The following CPED1 variants were observed in gnomAD, a reference collection of about 807,000 sequenced individuals.
CPED1 encodes cadherin like and PC-esterase domain containing 1.
In CPED1, 114 loss-of-function variants were observed where a neutral mutation model predicts 128.2. The ratio of observed to expected loss-of-function variants is 0.89; its 90% confidence interval spans 0.76 to 1.04. The LOEUF is 1.04. Ranked by LOEUF, CPED1 falls within the 50% of genes least tolerant of loss-of-function variation. CPED1 has a pLI of 0.00. For synonymous variants in CPED1, 462 were observed against 426.7 expected, an observed-to-expected ratio of 1.08 and a Z score of -1.02; for missense variants, 1,211 against 1,207.1, an observed-to-expected ratio of 1.00 and a Z score of -0.05.
At chr7:121,253,743 A>G (rs2402563) in intron 18 of CPED1, among the ~76,000 whole-genome samples, 63,077 of 151,810 alleles carry the variant, frequency 0.42, 13,553 homozygotes, top group Middle Eastern at 0.52. Context: ...GTTATACCAT[A>G]CAAACAAAAA....
At chr7:121,062,121 A>G (rs1354904095) in intron 4 of CPED1, among the ~76,000 whole-genome samples, 6 of 152,200 alleles carry the variant, frequency 3.9e-5, no homozygotes, top group Non-Finnish European at 8.8e-5. Context: ...GCTTGGCTCT[A>G]TTATTTTCAA....
chr7:121,190,111 A>C (rs1163026523), intron 16 of CPED1, among the ~76,000 whole-genome samples: 1 of 151,602 alleles, frequency 6.6e-6, no homozygotes, highest in Non-Finnish European at 1.5e-5. Context: ...AAATTAAACA[A>C]GATAAAAAGT....
At chr7:120,992,546 A>G (rs779326405) in intron 2 of CPED1, among the ~76,000 whole-genome samples, 14 of 152,196 alleles carry the variant, frequency 9.2e-5, no homozygotes, top group Non-Finnish European at 2.1e-4. Context: ...GTATGTTTAC[A>G]TGTTAAACTA....
chr7:121,170,512 A>T (rs1796628479), intron 16 of CPED1, among the ~76,000 whole-genome samples: 1 of 152,182 alleles, frequency 6.6e-6, no homozygotes, highest in African/African-American at 2.4e-5. Context: ...AAAATGCTTA[A>T]CACAAGGCCT....
intron 18 of CPED1, among the ~76,000 whole-genome samples, chr7:121,257,512 T>TA (rs35206969): frequency 5.3e-5 from 4 of 74,948 alleles, no homozygotes; most frequent in African/African-American, 8.0e-5. Context: ...GAGAAAGATA[T>TA]TTTTTTTTTA....
intron 7 of CPED1, among the ~76,000 whole-genome samples, chr7:121,101,366 C>T (rs1041709520): frequency 3.9e-5 from 6 of 152,020 alleles, no homozygotes; most frequent in Non-Finnish European, 8.8e-5. Context: ...CAATTTGAGT[C>T]TGATGTCCTT....
At chr7:121,021,254 A>G (rs1425121201) in intron 3 of CPED1, among the ~76,000 whole-genome samples, 1 of 151,946 alleles carries the variant, frequency 6.6e-6, no homozygotes, top group African/African-American at 2.4e-5. Context: ...TGGAAAATAT[A>G]AAAAGGAAGA....
intron 22 of CPED1, among the ~76,000 whole-genome samples, chr7:121,282,714 C>G (rs1017338046): frequency 2.0e-5 from 3 of 152,184 alleles, no homozygotes; most frequent in African/African-American, 7.2e-5. Context: ...AGCACTAAGT[C>G]TTTTGAATGT....
intron 3 of CPED1, among the ~76,000 whole-genome samples, chr7:121,044,648 C>CTTTGTTTTT (rs35159862): frequency 1.4e-5 from 1 of 69,542 alleles, no homozygotes; most frequent in Non-Finnish European, 2.8e-5. Flanking sequence ...TGACTTTCTG[C>CTTTGTTTTT]TCTTTTTTTT....
At chr7:121,013,332 CA>C (rs1562991846) in intron 2 of CPED1, among the ~76,000 whole-genome samples, 1 of 152,210 alleles carries the variant, frequency 6.6e-6, no homozygotes, top group African/African-American at 2.4e-5. Flanking sequence ...CAATAAAGCA[CA>C]GTGTGTTTTA....
In CPED1 at chr7:121,061,194, G is replaced by C. The variant is rs562200027; in HGVS notation, c.541-3044G>C. On this transcript the variant is annotated intron_variant, in intron 4 of 22. Transcript: ENST00000310396. ...AACCCACCAATTCCAGACACATTAG[G>C]ATTGTGAAAGGTATATTGGGATAGA... 11 of 952,720 alleles carry C rather than the reference G, an allele frequency of 1.2e-5. No individual in the cohort carries two copies. The East Asian group carries it at 1.2e-3, about 100-fold the overall frequency. The allele number at this position is 952,720 out of a possible 1,614,324, so 59.0% of individuals were successfully genotyped here.
intron 3 of CPED1, among the ~76,000 whole-genome samples, chr7:121,039,730 AAATC>A (rs1364281905): frequency 1.3e-5 from 2 of 152,084 alleles, no homozygotes; most frequent in Non-Finnish European, 2.9e-5. Context: ...CTTTTTAAAA[AAATC>A]ATTTAAAAAA....
intron 7 of CPED1, among the ~76,000 whole-genome samples, chr7:121,105,840 G>T (rs1423603970): frequency 6.6e-6 from 1 of 151,936 alleles, no homozygotes; most frequent in Non-Finnish European, 1.5e-5. Context: ...TTCCCAACTT[G>T]GTTCTATTAA....
intron 2 of CPED1, among the ~76,000 whole-genome samples, chr7:120,996,997 T>G (rs906990777): frequency 3.9e-5 from 6 of 152,222 alleles, no homozygotes; most frequent in Non-Finnish European, 8.8e-5. Flanking sequence ...TGTCTCTATG[T>G]GTAATCCATA....
chr7:121,030,044 G>A (rs1792690493), intron 3 of CPED1, among the ~76,000 whole-genome samples: 1 of 151,986 alleles, frequency 6.6e-6, no homozygotes, highest in Non-Finnish European at 1.5e-5. Context: ...ATCAAATACT[G>A]GCAAATACAA....
At chr7:121,164,597 C>T (rs1796481478) in intron 16 of CPED1, among the ~76,000 whole-genome samples, 1 of 152,180 alleles carries the variant, frequency 6.6e-6, no homozygotes, top group Non-Finnish European at 1.5e-5. Context: ...ATGCTGATGC[C>T]ATGCCTCTTG....
Position 121,047,001 on chromosome 7 carries a change from C to T in CPED1, c.540+8C>T, listed in dbSNP as rs370623390. On this transcript the variant is annotated splice_region_variant and intron_variant, in intron 4 of 22. Transcript: ENST00000310396. Reference sequence around the variant, plus strand: ...TTAGGTTTACATCAAAAGGTAAATACTCTCAAGATGTGCACAGATTTTATC... The same window carrying T: ...TTAGGTTTACATCAAAAGGTAAATATTCTCAAGATGTGCACAGATTTTATC... The T allele has an allele frequency of 1.5e-5, 23 of 1,551,618 alleles. No individual in the cohort carries two copies. In the African/African-American group the frequency reaches 3.0e-4, roughly 20 times the overall value.
chr7:121,126,265 A>G (rs1183464739), intron 9 of CPED1, among the ~76,000 whole-genome samples: 2 of 152,134 alleles, frequency 1.3e-5, no homozygotes, highest in Non-Finnish European at 2.9e-5. Flanking sequence ...TTTTTTACAT[A>G]TACATATTTA....
intron 19 of CPED1, 34 bp from the exon 20 acceptor site, chr7:121,266,673 G>T (rs1256924534): frequency 2.6e-6 from 4 of 1,522,574 alleles, no homozygotes; most frequent in Non-Finnish European, 3.6e-6. Context: ...TCTGTTTTAG[G>T]GCAACATGTG....
Sources: gnomAD v4.1 joint callset for allele counts (sites outside exome capture counted in the v4.1 genomes callset) on GRCh38, gnomAD v4.1.1 for gene constraint, MANE v1.5 for transcripts, NCBI Gene and HGNC (gene_info 2026-07-23, HGNC 2026-07-21) for gene names.